PACRG: variants seen among roughly 807,000 people sequenced by gnomAD.
The protein encoded by PACRG is parkin coregulated, also known as parkin coregulated gene protein.
Under a neutral mutation model 29.7 loss-of-function variants are expected in PACRG, and 29 were observed. That is an observed-to-expected ratio of 0.98 (90% confidence interval 0.73 to 1.33). The LOEUF (loss-of-function observed/expected upper bound fraction) is 1.33. PACRG is among the 40% of genes most tolerant of loss of function. The pLI is 0.00. For missense variants in PACRG, 279 were observed against 316.2 expected, an observed-to-expected ratio of 0.88 and a Z score of 0.89; for synonymous variants, 116 against 118.7, an observed-to-expected ratio of 0.98 and a Z score of 0.15.
At chr6:163,001,254 G>C (rs9458710) in intron 2 of PACRG, among the ~76,000 whole-genome samples, 28,422 of 152,248 alleles carry the variant, frequency 0.19, 7,925 homozygotes, top group African/African-American at 0.61. Flanking sequence ...TGGGTCTCCA[G>C]GAGGAGAATA....
At chr6:163,278,678 G>A (rs2128183029) in intron 4 of PACRG, among the ~76,000 whole-genome samples, 1 of 152,196 alleles carries the variant, frequency 6.6e-6, no homozygotes, top group South Asian at 2.1e-4. Context: ...TCTCTATTCT[G>A]TTCCATTGGT....
chr6:162,900,135 T>C (rs552862391), intron 2 of PACRG, among the ~76,000 whole-genome samples: 1 of 152,028 alleles, frequency 6.6e-6, no homozygotes, highest in East Asian at 2.0e-4. Context: ...CGGAACATCG[T>C]AATGCACCCT....
chr6:162,739,565 C>T (rs752555633), intron 1 of PACRG, among the ~76,000 whole-genome samples: 1 of 151,872 alleles, frequency 6.6e-6, no homozygotes, highest in Non-Finnish European at 1.5e-5. Context: ...TTTTGTCGGC[C>T]AGGCGTGGTT....
intron 4 of PACRG, among the ~76,000 whole-genome samples, chr6:163,192,719 T>C (rs1277186662): frequency 6.6e-6 from 1 of 152,204 alleles, no homozygotes; most frequent in Non-Finnish European, 1.5e-5. Flanking sequence ...GATCTCTATT[T>C]AGACTTGATG....
chr6:163,084,043 T>A (rs1813317504), intron 3 of PACRG, among the ~76,000 whole-genome samples: 1 of 152,224 alleles, frequency 6.6e-6, no homozygotes, highest in South Asian at 2.1e-4. Context: ...TTTCTCTATA[T>A]CTGAAGCCTC....
chr6:163,114,620 A>G (rs79140444), intron 4 of PACRG, among the ~76,000 whole-genome samples: 2,563 of 152,312 alleles, frequency 0.017, 79 homozygotes, highest in African/African-American at 0.059. Flanking sequence ...AAAATATTAC[A>G]TGATCTCACT....
At chr6:162,936,173 T>C (rs867427078) in intron 2 of PACRG, among the ~76,000 whole-genome samples, 18 of 152,162 alleles carry the variant, frequency 1.2e-4, no homozygotes, top group African/African-American at 4.3e-4. Context: ...ACTTATTCAC[T>C]ACCATGAAAA....
intron 4 of PACRG, among the ~76,000 whole-genome samples, chr6:163,094,861 C>A (rs2128307234): frequency 6.6e-6 from 1 of 152,328 alleles, no homozygotes; most frequent in Admixed American, 6.5e-5. Context: ...CTACACAGCA[C>A]AATGGTTAAT....
chr6:163,283,076 A>T lies in PACRG; in HGVS notation c.614-31751A>T, dbSNP rs1330453882. On this transcript the variant is annotated intron_variant, in intron 4 of 4. Coordinates refer to ENST00000366888, the MANE Select transcript of PACRG (RefSeq NM_001080379.2). ...AATTTAAAAATCACTTTGAGCATTT[A>T]TGCACATTACTATATGACATGATAA... Among the ~76,000 whole-genome samples the T allele has an allele frequency of 2.0e-5, 3 of 152,264 alleles. No individual in the cohort carries two copies. In the East Asian group the frequency reaches 5.8e-4, roughly 29 times the overall value.
At chr6:162,747,466 ATGTAAAAC>A (rs57746388) in intron 1 of PACRG, among the ~76,000 whole-genome samples, 956 of 71,172 alleles carry the variant, frequency 0.013, 159 homozygotes, top group African/African-American at 0.033. Flanking sequence ...ATAAATATAT[ATGTAAAAC>A]TATATATATA....
chr6:163,121,250 A>G (rs1488116803), intron 4 of PACRG, among the ~76,000 whole-genome samples: 1 of 152,256 alleles, frequency 6.6e-6, no homozygotes, highest in Non-Finnish European at 1.5e-5. Context: ...TAAACCATAA[A>G]GCATTATACA....
intron 4 of PACRG, among the ~76,000 whole-genome samples, chr6:163,154,237 A>G (rs1778222540): frequency 6.6e-6 from 1 of 152,204 alleles, no homozygotes; most frequent in Non-Finnish European, 1.5e-5. Flanking sequence ...AGGCAACATG[A>G]TAGGTGCCTA....
At chr6:162,788,799 A>G (rs1027287137) in intron 1 of PACRG, among the ~76,000 whole-genome samples, 1 of 152,124 alleles carries the variant, frequency 6.6e-6, no homozygotes, top group African/African-American at 2.4e-5. Flanking sequence ...TGCCATCTTT[A>G]TATCTTTGGG....
At chr6:163,257,420 A>C (rs1309807525) in intron 4 of PACRG, among the ~76,000 whole-genome samples, 1 of 152,204 alleles carries the variant, frequency 6.6e-6, no homozygotes, top group Non-Finnish European at 1.5e-5. Flanking sequence ...GTGGTGGTAT[A>C]AGAAATAGTT....
chr6:162,902,138 G>A (rs1437210268), intron 2 of PACRG, among the ~76,000 whole-genome samples: 4 of 152,176 alleles, frequency 2.6e-5, no homozygotes, highest in Admixed American at 2.6e-4. Flanking sequence ...TTCAGCCTTT[G>A]CAAATGTGAT....
chr6:163,047,503 A>G (rs1003756068), intron 2 of PACRG, among the ~76,000 whole-genome samples: 1 of 152,214 alleles, frequency 6.6e-6, no homozygotes, highest in Non-Finnish European at 1.5e-5. Flanking sequence ...ACTTGAAAGT[A>G]TCATTCTTTG....
At chr6:162,752,056 A>G (rs1781552000) in intron 1 of PACRG, among the ~76,000 whole-genome samples, 1 of 152,202 alleles carries the variant, frequency 6.6e-6, no homozygotes, top group Non-Finnish European at 1.5e-5. Flanking sequence ...GTAAAATATC[A>G]GTTATTTAGA....
rs927728136 is a variant in PACRG at position 163,297,097 on chromosome 6, C to T, written c.614-17730C>T. ...TAATGTTTGTTTTTAACTTTCAAAC[C>T]TGCTCTCAATGTAATATCTTTCTTC... On this transcript the variant is annotated intron_variant, in intron 4 of 4. Transcript: ENST00000366888. Among the ~76,000 whole-genome samples the T allele has an allele frequency of 1.3e-4, 20 of 152,254 alleles. No individual in the cohort carries two copies. In the South Asian group the frequency reaches 1.9e-3, roughly 14 times the overall value.
At chr6:163,177,709 G>GCTTTTTTTTTTT (rs1562951194) in intron 4 of PACRG, among the ~76,000 whole-genome samples, 1 of 33,648 alleles carries the variant, frequency 3.0e-5, no homozygotes, top group Non-Finnish European at 6.5e-5. Flanking sequence ...TTAGAAAAGG[G>GCTTTTTTTTTTT]ATTTTTTTTT....
Sources: gnomAD v4.1 joint callset for allele counts (sites outside exome capture counted in the v4.1 genomes callset) on GRCh38, gnomAD v4.1.1 for gene constraint, MANE v1.5 for transcripts, NCBI Gene and HGNC (gene_info 2026-07-23, HGNC 2026-07-21) for gene names.